NCAPD3: variants seen among roughly 807,000 people sequenced by gnomAD.
NCAPD3 encodes the protein non-SMC condensin II complex subunit D3, also known as condensin-2 complex subunit D3.
In NCAPD3, 105 loss-of-function variants were observed where a neutral mutation model predicts 182.9. The observed-to-expected ratio is 0.57, with a 90% CI of 0.49 to 0.68. The LOEUF is 0.68. Ranked by LOEUF, NCAPD3 falls within the 30% of genes least tolerant of loss-of-function variation. The pLI is 0.00. For missense variants in NCAPD3, 1,944 were observed against 1,837.0 expected (o/e 1.06, Z -1.07); for synonymous variants, 815 against 679.9 (o/e 1.20, Z -3.09).
Position 134,192,832 on chromosome 11 carries a change from A to G in NCAPD3, c.1902T>C (p.Thr634=). 1 of 1,614,140 alleles carries G rather than the reference A, an allele frequency of 6.2e-7. No homozygotes were observed. Among genetic ancestry groups the G allele is most frequent in the Non-Finnish European group, 8.5e-7 (1 of 1,179,942 alleles). ...GGAACTCCAGGGCCTTCTCCTGCACAGTGCTCTCGCAGTCCATCACCACCG... is the reference window on the plus strand; with the variant it reads ...GGAACTCCAGGGCCTTCTCCTGCACGGTGCTCTCGCAGTCCATCACCACCG... ...VVPVVMDCES[T]VQEKALEFLD... is the part of the protein sequence containing the mutation. The change falls in exon 16 of 35, where the codon ACT becomes ACC. Residue 634 remains threonine (T), a synonymous_variant. Transcript: ENST00000534548.
chr11:134,223,891 C>A lies in NCAPD3; in HGVS notation c.36G>T (p.Gln12His), dbSNP rs563754843. ...VALRGLGSGL[Q>H]PWCPLDLRLE... ...GTCTAAGATCCAGCGGACACCAGGG[C>A]TGCAGGCCGCTACCAAGGCCCCGCA... Residue 12 changes from glutamine to histidine, a missense_variant, in exon 1 of 35, where the codon CAG becomes CAT. This residue lies in a region of NCAPD3 where 131 missense variants were observed against 133.9 expected (regional missense o/e 0.98). Coordinates refer to ENST00000534548, the MANE Select transcript of NCAPD3 (RefSeq NM_015261.3). The A allele has an allele frequency of 1.9e-6, 3 of 1,612,698 alleles. No homozygotes were observed. The highest frequency in any genetic ancestry group is 2.2e-5 in the South Asian group (2 of 91,028).
At position 134,153,061 on chromosome 11, in the gene NCAPD3, A is replaced by T; in HGVS notation, c.4389-9T>A. ...GCTGAGGCTGTGGGGGCCTAGGGAA[A>T]GGACATGTGCAGTCATTCTGGAACT... On this transcript the variant is annotated splice_polypyrimidine_tract_variant and intron_variant, in intron 34 of 34. Coordinates refer to ENST00000534548, the MANE Select transcript of NCAPD3 (RefSeq NM_015261.3). 6.2e-7 allele frequency: 1 copy of T among 1,606,930 alleles called. No homozygotes were observed. The highest frequency in any genetic ancestry group is 8.5e-7 in the Non-Finnish European group (1 of 1,174,616).
In NCAPD3 at chr11:134,192,867, C is replaced by G; in HGVS notation, c.1867G>C (p.Gly623Arg). The change falls in exon 16 of 35, where the codon GGG becomes CGG. Residue 623 changes from glycine (G) to arginine (R), a missense_variant. Gly to Arg is a moderately radical substitution (Grantham distance 125). Coordinates refer to ENST00000534548, the MANE Select transcript of NCAPD3 (RefSeq NM_015261.3). ...CAGTCCATCACCACCGGGACCACCC[C>G]CCGCAACCAGGCTTTCTGGATCTGC... ...CVQIQKAWLR[G>R]VVPVVMDCES... The G allele has an allele frequency of 6.2e-7, 1 of 1,613,998 alleles. No homozygotes were observed. Among genetic ancestry groups the G allele is most frequent in the Non-Finnish European group, 8.5e-7 (1 of 1,179,888 alleles).
intron 1 of NCAPD3, among the ~76,000 whole-genome samples, chr11:134,222,267 G>A (rs1200973261): frequency 6.6e-6 from 1 of 152,206 alleles, no homozygotes; most frequent in African/African-American, 2.4e-5. Context: ...GGAAGAAGAG[G>A]AAGAAATACA....
upstream of NCAPD3, chr11:134,224,100 C>T: frequency 1.3e-6 from 1 of 762,722 alleles, no homozygotes; most frequent in South Asian, 1.7e-5. Flanking sequence ...CCGCCGCACG[C>T]TCAGAGAACT....
At position 134,168,208 on chromosome 11, in the gene NCAPD3, G is replaced by C. The variant is rs752036989; in HGVS notation, c.3374-13C>G. The C allele has an allele frequency of 1.2e-6, 2 of 1,609,878 alleles. No individual in the cohort carries two copies. The highest frequency in any genetic ancestry group is 1.7e-6 in the Non-Finnish European group (2 of 1,176,688). Reference sequence around the variant, plus strand: ...TCAGCAAAGCACGCTGAGAGACAGAGAGAGAGAAAAACGTGAGCTTCTGAG... The same window carrying C: ...TCAGCAAAGCACGCTGAGAGACAGACAGAGAGAAAAACGTGAGCTTCTGAG... On this transcript the variant is annotated splice_polypyrimidine_tract_variant and intron_variant, in intron 26 of 34. Coordinates refer to ENST00000534548, the MANE Select transcript of NCAPD3 (RefSeq NM_015261.3).
At position 134,152,926 on chromosome 11, in the gene NCAPD3, A is replaced by G. The variant is rs1565511628; in HGVS notation, c.*18T>C. 8 of 1,514,484 alleles carry G rather than the reference A, an allele frequency of 5.3e-6. No individual in the cohort carries two copies. Among genetic ancestry groups the G allele is most frequent in the Non-Finnish European group, 7.1e-6 (8 of 1,128,674 alleles). 93.8% of individuals were successfully genotyped at this position (1,514,484 alleles called of 1,614,324 possible). A position where few individuals can be genotyped will look rare whatever the true frequency, so the allele number is the denominator to read the frequency against. On this transcript the variant is annotated 3_prime_UTR_variant, in exon 35 of 35. Transcript: ENST00000534548. ...CTCAAGGGCTCCTGCCTGCCTGGAC[A>G]CTGGTGGGAGGCGCTGTTTAGTTGG... is the stretch of plus-strand genomic sequence containing the variant.
chr11:134,200,679 T>C (rs1565549100), intron 13 of NCAPD3, among the ~76,000 whole-genome samples: 1 of 152,138 alleles, frequency 6.6e-6, no homozygotes, highest in Non-Finnish European at 1.5e-5. Context: ...TTCCTCAAAA[T>C]GTTGAATATA....
chr11:134,159,750 G>T, intron 29 of NCAPD3, 142 bp downstream of exon 29: 1 of 831,968 alleles, frequency 1.2e-6, no homozygotes, highest in African/African-American at 1.7e-5. Context: ...ACGAGGGAGT[G>T]GCCAACAAGC....
At chr11:134,163,146 A>G (rs570812166) in intron 27 of NCAPD3, among the ~76,000 whole-genome samples, 2 of 152,232 alleles carry the variant, frequency 1.3e-5, no homozygotes, top group South Asian at 4.1e-4. Flanking sequence ...ACCTTGAAAA[A>G]GAAGAATCAG....
chr11:134,170,707 G>GT (rs1943986366), intron 24 of NCAPD3, among the ~76,000 whole-genome samples: 1 of 152,236 alleles, frequency 6.6e-6, no homozygotes, highest in Non-Finnish European at 1.5e-5. Context: ...ATACTGCGGA[G>GT]TTTAAGCCCT....
chr11:134,209,542 A>C, intron 4 of NCAPD3, 65 bp from the exon 5 acceptor site: 1 of 1,477,204 alleles, frequency 6.8e-7, no homozygotes, highest in Non-Finnish European at 9.2e-7. Context: ...CATGGTTTTC[A>C]ATTTACCCAA....
rs1187211357 is a variant in NCAPD3, at chr11:134,192,711, TGAG to T, written c.2020_2022del (p.Leu674del). On this transcript the variant is annotated inframe_deletion, in exon 16 of 35. Transcript: ENST00000534548. The stretch of plus-strand genomic sequence containing the variant: ...TACCTCAGTTCCTGGCTTTCGGTGG[TGAG>T]GAGAGTAAGAAGCGCCCAGGCGAGG... 1.9e-6 allele frequency: 3 copies of T among 1,614,124 alleles called. No homozygotes were observed. The Admixed American group carries it at 5.0e-5, about 27-fold the overall frequency.
At position 134,217,080 on chromosome 11, in the gene NCAPD3, T is replaced by A; in HGVS notation, c.238A>T (p.Ile80Phe). The A allele has an allele frequency of 6.2e-7, 1 of 1,611,858 alleles. No individual in the cohort carries two copies. The highest frequency in any genetic ancestry group is 1.1e-5 in the South Asian group (1 of 90,588). Residue 80 changes from isoleucine to phenylalanine, a missense_variant, in exon 3 of 35, where the codon ATT (isoleucine) becomes TTT (phenylalanine). Around this residue, in one of 3 missense-constraint regions of NCAPD3, gnomAD observed 131 missense variants for 133.9 expected, o/e 0.98. Coordinates refer to ENST00000534548, the MANE Select transcript of NCAPD3 (RefSeq NM_015261.3). ...GTACTATGGGAAACATTGTTCTCAA[T>A]GAAGAAGGTCCAGATACTCTGTGGG... ...GSMESIWTFF[I>F]ENNVSHSTLV...
Position 134,153,211 on chromosome 11 carries a change from G to A in NCAPD3, c.4328-11C>T, listed in dbSNP as rs778914493. On this transcript the variant is annotated splice_polypyrimidine_tract_variant and intron_variant, in intron 33 of 34. Coordinates refer to ENST00000534548, the MANE Select transcript of NCAPD3 (RefSeq NM_015261.3). Reference sequence around the variant, plus strand: ...GGCCTTCAATTTTCTCTAAAAGGGAGTCAAACAAACACATTCAGCTTTCCC... The same window carrying A: ...GGCCTTCAATTTTCTCTAAAAGGGAATCAAACAAACACATTCAGCTTTCCC... 1.5e-5 allele frequency: 24 copies of A among 1,614,054 alleles called. No individual in the cohort carries two copies. In the South Asian group the frequency reaches 2.2e-4, roughly 15 times the overall value.
intron 27 of NCAPD3, among the ~76,000 whole-genome samples, chr11:134,162,367 C>G (rs1480225430): frequency 6.6e-6 from 1 of 152,104 alleles, no homozygotes; most frequent in African/African-American, 2.4e-5. Flanking sequence ...AGCTCTGTCT[C>G]TCTCTCTGTG....
At position 134,178,886 on chromosome 11, in the gene NCAPD3, C is replaced by T; in HGVS notation, c.2610G>A (p.Arg870=). ...TCAGAAGGAAGATGCGCTTCTCCAC[C>T]CTGGCTGGACACAGCTGGGCTATAT... ...LGDIAQLCPA[R]VEKRIFLLIQ... Residue 870 remains arginine (R), a synonymous_variant, in exon 21 of 35, where the codon AGG becomes AGA. Transcript: ENST00000534548. 1 of 1,614,096 alleles carries T rather than the reference C, an allele frequency of 6.2e-7. No individual in the cohort carries two copies. The highest frequency in any genetic ancestry group is 8.5e-7 in the Non-Finnish European group (1 of 1,180,010).
chr11:134,158,246 C>A, intron 30 of NCAPD3, 83 bp downstream of exon 30: 1 of 1,567,222 alleles, frequency 6.4e-7, no homozygotes, highest in South Asian at 1.2e-5. Context: ...GACTTTCCTG[C>A]CCACGCTTGG....
intron 13 of NCAPD3, among the ~76,000 whole-genome samples, chr11:134,199,336 G>A (rs978887063): frequency 3.3e-5 from 5 of 152,080 alleles, no homozygotes; most frequent in Non-Finnish European, 7.4e-5. Flanking sequence ...TTATTTATAT[G>A]GGCAGTATAT....
Sources: allele counts gnomAD v4.1 joint callset (sites outside exome capture counted in the v4.1 genomes callset), GRCh38; gene constraint gnomAD v4.1.1; regional missense constraint gnomAD v4.1.1; transcripts MANE v1.5; gene names NCBI Gene and HGNC (gene_info 2026-07-23, HGNC 2026-07-21).